CDH8: variants seen among roughly 807,000 people sequenced by gnomAD.
The protein encoded by CDH8 is cadherin 8.
CDH8 carries 17 observed loss-of-function variants against 68.1 expected under a neutral mutation model. The observed-to-expected ratio is 0.25, with a 90% CI of 0.17 to 0.37. The LOEUF (loss-of-function observed/expected upper bound fraction) is 0.37. Among genes scored for constraint, CDH8 ranks in the 10% least tolerant of loss-of-function variants. CDH8 has a pLI of 1.00. For synonymous variants in CDH8, 372 were observed against 365.1 expected (o/e 1.02, Z -0.21); for missense variants, 763 against 999.3 (o/e 0.76, Z 3.19).
At chr16:61,709,366 T>A (rs780207580) in intron 10 of CDH8, among the ~76,000 whole-genome samples, 22 of 152,028 alleles carry the variant, frequency 1.4e-4, no homozygotes, top group Non-Finnish European at 3.2e-4. Context: ...GAAACCTACA[T>A]CCTGAATACA....
chr16:61,953,629 A>G (rs1192461521), intron 2 of CDH8, among the ~76,000 whole-genome samples: 1 of 151,442 alleles, frequency 6.6e-6, no homozygotes, highest in Non-Finnish European at 1.5e-5. Flanking sequence ...GCACTTTGGA[A>G]GGCAGAGGTG....
intron 10 of CDH8, among the ~76,000 whole-genome samples, chr16:61,689,092 C>T (rs2142825718): frequency 6.6e-6 from 1 of 152,084 alleles, no homozygotes; most frequent in South Asian, 2.1e-4. Context: ...GAAATGAGAA[C>T]TTCATTAAAA....
intron 7 of CDH8, among the ~76,000 whole-genome samples, chr16:61,797,308 C>A (rs1167720289): frequency 6.6e-6 from 1 of 151,976 alleles, no homozygotes; most frequent in Admixed American, 6.6e-5. Context: ...TTTTGAATGT[C>A]GTGGATCTTT....
chr16:61,768,595 A>G (rs190027962), intron 8 of CDH8, among the ~76,000 whole-genome samples: 1 of 151,550 alleles, frequency 6.6e-6, no homozygotes, highest in East Asian at 2.0e-4. Context: ...ATTTGGTGAG[A>G]CCCTGAAAGT....
At chr16:61,980,938 C>G (rs1307211316) in intron 2 of CDH8, among the ~76,000 whole-genome samples, 1 of 152,154 alleles carries the variant, frequency 6.6e-6, no homozygotes, top group African/African-American at 2.4e-5. Flanking sequence ...CTGCAACTTA[C>G]CAGTTGCATG....
chr16:62,008,716 A>C (rs1015702705), intron 2 of CDH8, among the ~76,000 whole-genome samples: 1 of 152,178 alleles, frequency 6.6e-6, no homozygotes, highest in Non-Finnish European at 1.5e-5. Flanking sequence ...AGCTATTAAA[A>C]ACTAAGACCT....
intron 3 of CDH8, among the ~76,000 whole-genome samples, chr16:61,896,637 T>G (rs963387219): frequency 6.6e-6 from 1 of 152,140 alleles, no homozygotes; most frequent in Non-Finnish European, 1.5e-5. Flanking sequence ...AATTCACACT[T>G]CGCAATGAAA....
At chr16:61,729,161 A>T (rs1959464597) in intron 8 of CDH8, among the ~76,000 whole-genome samples, 1 of 151,230 alleles carries the variant, frequency 6.6e-6, no homozygotes, top group Admixed American at 6.6e-5. Flanking sequence ...TTAAAATATT[A>T]TATAATTGTA....
intron 8 of CDH8, among the ~76,000 whole-genome samples, chr16:61,772,386 T>C (rs1224318317): frequency 1.3e-5 from 2 of 152,026 alleles, no homozygotes; most frequent in Non-Finnish European, 2.9e-5. Context: ...TGTTCATAAA[T>C]TAGTCTGAAA....
chr16:61,959,984 G>GTATATATA (rs1181394965), intron 2 of CDH8, among the ~76,000 whole-genome samples: 4,120 of 44,374 alleles, frequency 0.093, 535 homozygotes, highest in Non-Finnish European at 0.12. Flanking sequence ...GTGTGTGTGT[G>GTATATATA]TATATATATA....
chr16:61,681,381 A>T (rs1169634883), intron 10 of CDH8, among the ~76,000 whole-genome samples: 1 of 151,926 alleles, frequency 6.6e-6, no homozygotes, highest in African/African-American at 2.4e-5. Context: ...CACAGCTTGA[A>T]TGAGCCTCAA....
At chr16:61,779,189 A>G (rs1034952147) in intron 8 of CDH8, among the ~76,000 whole-genome samples, 2 of 152,132 alleles carry the variant, frequency 1.3e-5, no homozygotes, top group African/African-American at 4.8e-5. Flanking sequence ...GAAACTTTCT[A>G]TTCCACACCA....
chr16:61,655,873 C>CTTTTT (rs35413525), intron 10 of CDH8, 152 bp from the exon 11 acceptor site: 71 of 533,044 alleles, frequency 1.3e-4, no homozygotes, highest in African/African-American at 2.6e-4. Context: ...CGTCTCCGCA[C>CTTTTT]TTTTTTTTTT....
intron 10 of CDH8, among the ~76,000 whole-genome samples, chr16:61,658,896 A>G (rs2142748827): frequency 6.6e-6 from 1 of 152,250 alleles, no homozygotes; most frequent in Non-Finnish European, 1.5e-5. Context: ...TGTCAGTGAA[A>G]TGTTTTTAGC....
Position 61,647,492 on chromosome 16 carries a change from C to A in CDH8, c.*6116G>T. The A allele has an allele frequency of 3.7e-6, 1 of 271,616 alleles. No homozygotes were observed. The highest frequency in any genetic ancestry group is 6.9e-6 in the Non-Finnish European group (1 of 145,222). 16.8% of individuals were successfully genotyped at this position (271,616 alleles called of 1,614,324 possible). On this transcript the variant is annotated 3_prime_UTR_variant, in exon 12 of 12. Transcript: ENST00000577390. ...GGTGGGGGGGGTGATCCCAGTGACT[C>A]CTAAATTGTCATGTTCCATCTTAGA...
At chr16:61,782,855 C>T (rs1961117907) in intron 8 of CDH8, among the ~76,000 whole-genome samples, 1 of 152,136 alleles carries the variant, frequency 6.6e-6, no homozygotes, top group South Asian at 2.1e-4. Context: ...GCAGGGTATT[C>T]CAACAGACCT....
At position 61,960,212 on chromosome 16, in the gene CDH8, T is replaced by TATGTGTGTGTATACACATACATATATAC. The variant is rs764641885; in HGVS notation, c.253-58740_253-58739insGTATATATGTATGTGTATACACACACAT. 7.6e-5 allele frequency among the ~76,000 whole-genome samples: 5 copies of TATGTGTGTGTATACACATACATATATAC among 65,900 alleles called. 2 individuals carry two copies. Among genetic ancestry groups the TATGTGTGTGTATACACATACATATATAC allele is most frequent in the Non-Finnish European group, 1.4e-4 (5 of 34,676 alleles). 43.2% of individuals were successfully genotyped at this position (65,900 alleles called of 152,430 possible). On this transcript the variant is annotated intron_variant, in intron 2 of 11. Coordinates refer to ENST00000577390, the MANE Select transcript of CDH8 (RefSeq NM_001796.5). ...GTGTGTATACACATACATATATACATGTGTGTGTGTATACACACATATATA... is the reference window on the plus strand; with the variant it reads ...GTGTGTATACACATACATATATACATATGTGTGTGTATACACATACATATATACGTGTGTGTGTATACACACATATATA...
intron 10 of CDH8, among the ~76,000 whole-genome samples, chr16:61,699,222 T>C (rs1235392672): frequency 6.6e-6 from 1 of 152,176 alleles, no homozygotes; most frequent in African/African-American, 2.4e-5. Flanking sequence ...GAGAAGTTCT[T>C]TGATGCAAAA....
chr16:61,715,970 G>A (rs972848769), intron 9 of CDH8, among the ~76,000 whole-genome samples: 8 of 151,618 alleles, frequency 5.3e-5, no homozygotes, highest in Non-Finnish European at 1.2e-4. Flanking sequence ...AGAAGACAGG[G>A]AAAAACATTG....
Sources: allele counts gnomAD v4.1 joint callset (sites outside exome capture counted in the v4.1 genomes callset), GRCh38; gene constraint gnomAD v4.1.1; transcripts MANE v1.5; gene names NCBI Gene and HGNC (gene_info 2026-07-23, HGNC 2026-07-21).